Variants in MGAT4A observed in about 807,000 individuals in gnomAD.
MGAT4A encodes alpha-1,3-mannosyl-glycoprotein 4-beta-N-acetylglucosaminyltransferase A.
In MGAT4A, 33 loss-of-function variants were observed where a neutral mutation model predicts 74.1. The observed-to-expected ratio is 0.45, with a 90% CI of 0.34 to 0.60. MGAT4A has a LOEUF of 0.60. Among genes scored for constraint, MGAT4A ranks in the 20% least tolerant of loss-of-function variants. The probability of loss-of-function intolerance (pLI) is 0.02; values close to 1 mark genes in which losing one functional copy is unlikely to be tolerated. For synonymous variants in MGAT4A, 198 were observed against 210.4 expected, an observed-to-expected ratio of 0.94 and a Z score of 0.51; for missense variants, 479 against 628.3, an observed-to-expected ratio of 0.76 and a Z score of 2.54.
In MGAT4A at chr2:98,704,438, T is replaced by C. The variant is rs115386531; in HGVS notation, c.94+21801A>G. ...GGGCAACATAGCATGGCCCCATCTCTACCCTCCAAAAAATACAAAACTTAG... is the reference window on the plus strand; with the variant it reads ...GGGCAACATAGCATGGCCCCATCTCCACCCTCCAAAAAATACAAAACTTAG... On this transcript the variant is annotated intron_variant, in intron 2 of 15. Transcript: ENST00000393487. 5.0e-3 allele frequency among the ~76,000 whole-genome samples: 753 copies of C among 151,878 alleles called. 3 individuals are homozygous for C. Among genetic ancestry groups the C allele is most frequent in the African/African-American group, 0.017 (720 of 41,402 alleles).
chr2:98,626,053 G>C (rs529564079), intron 14 of MGAT4A, among the ~76,000 whole-genome samples: 38 of 152,104 alleles, frequency 2.5e-4, no homozygotes, highest in African/African-American at 8.9e-4. Context: ...TACTTAATTA[G>C]GCAGAGCTAT....
intron 13 of MGAT4A, among the ~76,000 whole-genome samples, chr2:98,635,687 A>G (rs1701308165): frequency 6.6e-6 from 1 of 152,162 alleles, no homozygotes; most frequent in African/African-American, 2.4e-5. Flanking sequence ...ACAGCAAGTA[A>G]ACACTAAAGA....
intron 14 of MGAT4A, among the ~76,000 whole-genome samples, chr2:98,626,412 G>C (rs555672871): frequency 6.6e-6 from 1 of 152,222 alleles, no homozygotes; most frequent in South Asian, 2.1e-4. Flanking sequence ...TAAGGACCAA[G>C]AACCATAAAA....
intron 2 of MGAT4A, among the ~76,000 whole-genome samples, chr2:98,725,699 A>T (rs1514916): frequency 0.31 from 46,895 of 151,886 alleles, 9,450 homozygotes; most frequent in African/African-American, 0.56. Context: ...ATTAATTTTT[A>T]AAAAATGTTT....
chr2:98,659,879 A>T (rs1461277046), intron 5 of MGAT4A, among the ~76,000 whole-genome samples: 2 of 152,194 alleles, frequency 1.3e-5, no homozygotes, highest in East Asian at 1.9e-4. Context: ...GATAACTTAT[A>T]AAAATGCTCA....
At chr2:98,643,554 C>T (rs1701443282) in intron 10 of MGAT4A, among the ~76,000 whole-genome samples, 1 of 152,050 alleles carries the variant, frequency 6.6e-6, no homozygotes, top group South Asian at 2.1e-4. Flanking sequence ...GGTCTAATAT[C>T]GTCCCCAGTA....
At chr2:98,679,083 TG>T (rs1352522415) in intron 2 of MGAT4A, among the ~76,000 whole-genome samples, 4 of 151,822 alleles carry the variant, frequency 2.6e-5, no homozygotes, top group Non-Finnish European at 5.9e-5. Context: ...GAGGCCAAGG[TG>T]GAGGATGGCT....
At chr2:98,720,608 G>A (rs978873223) in intron 2 of MGAT4A, among the ~76,000 whole-genome samples, 3 of 138,794 alleles carry the variant, frequency 2.2e-5, no homozygotes, top group East Asian at 2.0e-4. Flanking sequence ...TTGTGTGTGC[G>A]TGCACATGTG....
At chr2:98,712,251 G>A (rs757715045) in intron 2 of MGAT4A, among the ~76,000 whole-genome samples, 3 of 152,052 alleles carry the variant, frequency 2.0e-5, no homozygotes, top group Non-Finnish European at 4.4e-5. Flanking sequence ...CTCCAACACC[G>A]CTTCTTGTGA....
chr2:98,695,088 G>C (rs895650791), intron 2 of MGAT4A: 1 of 139,642 alleles, frequency 7.2e-6, no homozygotes, highest in African/African-American at 2.7e-5. Context: ...CTAGGCTGGA[G>C]TGCTGTAGTG....
chr2:98,662,988 G>C, intron 5 of MGAT4A, 58 bp downstream of exon 5: 2 of 1,264,948 alleles, frequency 1.6e-6, no homozygotes, highest in Non-Finnish European at 2.1e-6. Flanking sequence ...TATTCAATTA[G>C]AGTTTCAACT....
At chr2:98,635,561 GA>G (rs1701306651) in intron 13 of MGAT4A, among the ~76,000 whole-genome samples, 1 of 152,110 alleles carries the variant, frequency 6.6e-6, no homozygotes, top group Admixed American at 6.5e-5. Flanking sequence ...TAAAACTATA[GA>G]AGAACTGTGT....
chr2:98,701,229 G>T (rs961894676), intron 2 of MGAT4A, among the ~76,000 whole-genome samples: 52 of 152,274 alleles, frequency 3.4e-4, no homozygotes, highest in African/African-American at 1.2e-3. Flanking sequence ...TAGTTCATTG[G>T]TATTTTATTT....
Position 98,621,927 on chromosome 2 carries a change from T to C in MGAT4A, c.*3639A>G, listed in dbSNP as rs1701066440. 3 of 997,310 alleles carry C rather than the reference T, an allele frequency of 3.0e-6. No individual in the cohort carries two copies. Among genetic ancestry groups the C allele is most frequent in the South Asian group, 8.8e-5 (2 of 22,646 alleles). 61.8% of individuals were successfully genotyped at this position (997,310 alleles called of 1,614,324 possible). ...TTCAAGGGTATTCAACCATCTCCAA[T>C]TGTTGAACAAATACACACATACGTA... On this transcript the variant is annotated 3_prime_UTR_variant, in exon 16 of 16. Coordinates refer to ENST00000393487, the MANE Select transcript of MGAT4A (RefSeq NM_012214.3).
At chr2:98,689,033 A>G (rs368390718) in intron 2 of MGAT4A, among the ~76,000 whole-genome samples, 3 of 152,338 alleles carry the variant, frequency 2.0e-5, no homozygotes, top group African/African-American at 7.2e-5. Context: ...CATGCTAAAA[A>G]AAACTAAATA....
intron 10 of MGAT4A, 76 bp downstream of exon 10, chr2:98,643,847 T>C: frequency 2.2e-6 from 3 of 1,348,020 alleles, no homozygotes; most frequent in Non-Finnish European, 2.9e-6. Flanking sequence ...AACTATTTAT[T>C]TGCAAAATCT....
At position 98,625,573 on chromosome 2, in the gene MGAT4A, G is replaced by T; in HGVS notation, c.1601C>A (p.Thr534Asn). Reference protein sequence around the residue: ...ILNEIHIKKATN With the variant: ...ILNEIHIKKANN ...TGTTGGTTTCTCAGATGATCAGTTG[G>T]TGGCTTTTTTAATATGAATCTGAAA... The change falls in exon 16 of 16, where the codon ACC (threonine) becomes AAC (asparagine). Residue 534 changes from threonine to asparagine, a missense_variant. Thr to Asn is a moderately conservative substitution (Grantham distance 65, BLOSUM62 0). This residue lies in a region of MGAT4A where 236 missense variants were observed against 308.2 expected (regional missense o/e 0.77). Coordinates refer to ENST00000393487, the MANE Select transcript of MGAT4A (RefSeq NM_012214.3). 1 of 1,609,198 alleles carries T rather than the reference G, an allele frequency of 6.2e-7. No homozygotes were observed. The highest frequency in any genetic ancestry group is 1.1e-5 in the South Asian group (1 of 89,856).
chr2:98,726,361 G>T lies in MGAT4A; in HGVS notation c.-29C>A. 6.3e-7 allele frequency: 1 copy of T among 1,584,144 alleles called. No homozygotes were observed. The highest frequency in any genetic ancestry group is 8.7e-7 in the Non-Finnish European group (1 of 1,154,700). On this transcript the variant is annotated 5_prime_UTR_variant, in exon 2 of 16. Transcript: ENST00000393487. ...ATTTCACCATCACACTGGTCCATATGTTTATGATGACAACAACCAGGACTG... is the reference window on the plus strand; with the variant it reads ...ATTTCACCATCACACTGGTCCATATTTTTATGATGACAACAACCAGGACTG...
intron 2 of MGAT4A, among the ~76,000 whole-genome samples, chr2:98,696,199 C>T (rs1226388996): frequency 6.6e-6 from 1 of 152,160 alleles, no homozygotes; most frequent in East Asian, 1.9e-4. Context: ...CTAATTTCTA[C>T]ATTCCCTCCC....
Sources: gnomAD v4.1 joint callset for allele counts (sites outside exome capture counted in the v4.1 genomes callset) on GRCh38, gnomAD v4.1.1 for gene constraint, gnomAD v4.1.1 regional missense constraint, MANE v1.5 for transcripts, NCBI Gene and HGNC (gene_info 2026-07-23, HGNC 2026-07-21) for gene names.